Variants in ACOXL observed in about 807,000 individuals in gnomAD.
ACOXL encodes the protein acyl-coenzyme A oxidase-like protein.
ACOXL carries 70 observed loss-of-function variants against 71.9 expected under a neutral mutation model. That is an observed-to-expected ratio of 0.97 (90% confidence interval 0.80 to 1.19). The LOEUF is 1.19. Among genes scored for constraint, ACOXL ranks in the 50% most tolerant of loss-of-function variants. The pLI is 0.00. For missense variants in ACOXL, 703 were observed against 736.3 expected (o/e 0.95, Z 0.52); for synonymous variants, 253 against 281.6 (o/e 0.90, Z 1.02).
intron 10 of ACOXL, among the ~76,000 whole-genome samples, chr2:110,867,651 G>A (rs1694770776): frequency 6.6e-6 from 1 of 152,202 alleles, no homozygotes; most frequent in African/African-American, 2.4e-5. Context: ...GGCCAATAAG[G>A]ACTTCTTTTG....
At chr2:110,788,626 G>A (rs370120634) in intron 3 of ACOXL, among the ~76,000 whole-genome samples, 1 of 152,102 alleles carries the variant, frequency 6.6e-6, no homozygotes, top group Non-Finnish European at 1.5e-5. Flanking sequence ...TGGCTAAAAT[G>A]GCAAACCTTA....
At chr2:111,093,510 G>A (rs1172920423) in intron 17 of ACOXL, 2 of 1,613,920 alleles carry the variant, frequency 1.2e-6, no homozygotes, top group East Asian at 2.2e-5. Context: ...ACACAAACAG[G>A]TATAAGACTC....
At chr2:110,873,918 A>T (rs963197114) in intron 10 of ACOXL, among the ~76,000 whole-genome samples, 1 of 152,186 alleles carries the variant, frequency 6.6e-6, no homozygotes, top group Non-Finnish European at 1.5e-5. Context: ...GAGGCTGAGG[A>T]TGAGGCACAG....
chr2:110,825,271 A>G (rs572817596), intron 9 of ACOXL, among the ~76,000 whole-genome samples: 1 of 152,154 alleles, frequency 6.6e-6, no homozygotes, highest in Non-Finnish European at 1.5e-5. Flanking sequence ...AGTTTTAGCC[A>G]CTTATACTGA....
intron 12 of ACOXL, among the ~76,000 whole-genome samples, chr2:110,955,999 T>A (rs2061488168): frequency 7.1e-6 from 1 of 141,664 alleles, no homozygotes; most frequent in African/African-American, 2.6e-5. Context: ...AGTGCAGTGG[T>A]GCAATCTCAG....
At chr2:110,797,202 G>A (rs1035475086) in intron 5 of ACOXL, among the ~76,000 whole-genome samples, 1 of 152,176 alleles carries the variant, frequency 6.6e-6, no homozygotes, top group African/African-American at 2.4e-5. Context: ...CAGAGAAGAC[G>A]GAGTTTTGAG....
At chr2:110,941,364 G>A (rs973756507) in intron 12 of ACOXL, among the ~76,000 whole-genome samples, 14 of 152,308 alleles carry the variant, frequency 9.2e-5, no homozygotes, top group South Asian at 4.1e-4. Context: ...GACAATATAT[G>A]TATGCTAAAC....
At chr2:111,011,201 C>T (rs2064134694) in intron 14 of ACOXL, among the ~76,000 whole-genome samples, 1 of 152,004 alleles carries the variant, frequency 6.6e-6, no homozygotes, top group South Asian at 2.1e-4. Flanking sequence ...AAGATTTTTA[C>T]ATAATATATG....
chr2:111,042,667 G>A (rs984397181), intron 15 of ACOXL, among the ~76,000 whole-genome samples: 3 of 152,216 alleles, frequency 2.0e-5, no homozygotes, highest in African/African-American at 4.8e-5. Flanking sequence ...AGGGTGGGTC[G>A]TGAGGTGTGC....
chr2:110,908,640 C>T, intron 10 of ACOXL, 149 bp from the exon 11 acceptor site: 1 of 643,082 alleles, frequency 1.6e-6, no homozygotes, highest in Non-Finnish European at 2.8e-6. Context: ...CTTAGGCTGT[C>T]TTGCCCTAAC....
chr2:110,870,178 G>A (rs1695100887), intron 10 of ACOXL, among the ~76,000 whole-genome samples: 1 of 152,190 alleles, frequency 6.6e-6, no homozygotes, highest in Non-Finnish European at 1.5e-5. Context: ...CACCTGAGGT[G>A]CTTCAAGGGT....
chr2:110,995,110 T>A (rs2063332986), intron 13 of ACOXL, among the ~76,000 whole-genome samples: 1 of 151,722 alleles, frequency 6.6e-6, no homozygotes, highest in Non-Finnish European at 1.5e-5. Flanking sequence ...TATCCAATTA[T>A]AATAATTATA....
intron 12 of ACOXL, among the ~76,000 whole-genome samples, chr2:110,964,086 G>T (rs541584986): frequency 5.9e-5 from 9 of 152,248 alleles, no homozygotes; most frequent in African/African-American, 2.2e-4. Context: ...AGACTATTCG[G>T]CAATACTCTT....
intron 1 of ACOXL, among the ~76,000 whole-genome samples, chr2:110,757,712 G>T (rs543072757): frequency 6.6e-6 from 1 of 151,028 alleles, no homozygotes; most frequent in East Asian, 1.9e-4. Flanking sequence ...AGAAGTGTCT[G>T]TTCAGGTCCT....
At chr2:110,857,888 G>A (rs1179117947) in intron 10 of ACOXL, among the ~76,000 whole-genome samples, 3 of 151,938 alleles carry the variant, frequency 2.0e-5, no homozygotes, top group Admixed American at 1.3e-4. Flanking sequence ...ACCACGCCCA[G>A]CTCATTTTTG....
chr2:111,074,973 C>T (rs2067525707), intron 16 of ACOXL, among the ~76,000 whole-genome samples: 1 of 152,188 alleles, frequency 6.6e-6, no homozygotes, highest in Non-Finnish European at 1.5e-5. Flanking sequence ...TTATATATTG[C>T]TGCATTCCAT....
chr2:110,904,083 A>G (rs534828358), intron 10 of ACOXL, among the ~76,000 whole-genome samples: 54 of 152,302 alleles, frequency 3.5e-4, no homozygotes, highest in Non-Finnish European at 3.1e-4. Context: ...ATGGGTGGTG[A>G]GAAGTGAGAG....
At chr2:110,905,170 G>T (rs1022525720) in intron 10 of ACOXL, among the ~76,000 whole-genome samples, 1 of 152,118 alleles carries the variant, frequency 6.6e-6, no homozygotes, top group Non-Finnish European at 1.5e-5. Flanking sequence ...GCAACTTCCT[G>T]CTTTGGTTGG....
At chr2:110,820,614 C>T (rs375873227) in intron 9 of ACOXL, among the ~76,000 whole-genome samples, 8 of 152,128 alleles carry the variant, frequency 5.3e-5, no homozygotes, top group Non-Finnish European at 1.2e-4. Flanking sequence ...CCACTGAGAG[C>T]GATAGACTGA....
Sources: gnomAD v4.1 joint callset for allele counts (sites outside exome capture counted in the v4.1 genomes callset) on GRCh38, gnomAD v4.1.1 for gene constraint, MANE v1.5 for transcripts, NCBI Gene and HGNC (gene_info 2026-07-23, HGNC 2026-07-21) for gene names.